UBR4: variants seen among roughly 807,000 people sequenced by gnomAD.
UBR4 encodes the protein E3 ubiquitin-protein ligase UBR4.
In UBR4, 124 loss-of-function variants were observed where a neutral mutation model predicts 575.6. That is an observed-to-expected ratio of 0.22 (90% CI 0.19 to 0.25). UBR4 has a LOEUF of 0.25. Among genes scored for constraint, UBR4 ranks in the 10% least tolerant of loss-of-function variants. UBR4 has a pLI of 1.00. For missense variants in UBR4, 4,818 were observed against 6,478.8 expected, an observed-to-expected ratio of 0.74 and a Z score of 8.80; for synonymous variants, 2,455 against 2,473.7, an observed-to-expected ratio of 0.99 and a Z score of 0.22.
intron 78 of UBR4, chr1:19,111,665 G>T (rs2079896794): frequency 6.6e-6 from 1 of 150,648 alleles, no homozygotes; most frequent in Non-Finnish European, 1.5e-5. Context: ...TTGTTGCCCA[G>T]GCTGGAGTGC....
intron 87 of UBR4, among the ~76,000 whole-genome samples, chr1:19,102,466 C>G (rs181574049): frequency 4.2e-4 from 63 of 150,536 alleles, no homozygotes; most frequent in Non-Finnish European, 7.8e-4. Context: ...CAGTATGGCA[C>G]GATGAAAATG....
At chr1:19,175,889 G>A (rs1041924162) in intron 20 of UBR4, among the ~76,000 whole-genome samples, 1 of 151,808 alleles carries the variant, frequency 6.6e-6, no homozygotes, top group African/African-American at 2.4e-5. Context: ...AACCTCCCAA[G>A]CTCAAACGAT....
Position 19,177,534 on chromosome 1 carries a change from A to G in UBR4, c.2564T>C (p.Leu855Ser). ...ATCAAAGATGAGAAGGAGGCGAGCC[A>G]AGATAAGCGGCACGAAGCGCATCTG... ...DAQMRFVPLI[L>S]ARLLLIFDYL... Residue 855 changes from leucine (L) to serine (S), a missense_variant, in exon 19 of 106, where the codon TTG (leucine) becomes TCG (serine). Transcript: ENST00000375254. 1 of 1,614,178 alleles carries G rather than the reference A, an allele frequency of 6.2e-7. No homozygotes were observed. The highest frequency in any genetic ancestry group is 8.5e-7 in the Non-Finnish European group (1 of 1,180,020).
Position 19,151,835 on chromosome 1 carries a change from T to C in UBR4, c.7021A>G (p.Ser2341Gly). ...TKPGGFTIEI[S>G]NNNSTMVMTG... ...ATCACCATAGTGCTATTGTTGTTAC[T>C]AATCTCAATGGTGAAGCCTCCGGGC... Residue 2341 changes from serine (S) to glycine (G), a missense_variant, in exon 48 of 106, where the codon AGT (serine) becomes GGT (glycine). Ser to Gly is a moderately conservative substitution (Grantham distance 56, BLOSUM62 0). This residue lies in a region of UBR4 where 461 missense variants were observed against 606.9 expected (regional missense o/e 0.76). Coordinates refer to ENST00000375254, the MANE Select transcript of UBR4 (RefSeq NM_020765.3). The C allele has an allele frequency of 6.2e-7, 1 of 1,608,202 alleles. No homozygotes were observed. Among genetic ancestry groups the C allele is most frequent in the Non-Finnish European group, 8.5e-7 (1 of 1,176,390 alleles).
chr1:19,152,259 T>C lies in UBR4; in HGVS notation c.6996+54A>G. ...TAAAAGGAGATGTGTTCTCAAACCA[T>C]ATTGTTTGAGTCCTTCTACCCAGGG... On this transcript the variant is annotated intron_variant, in intron 47 of 105. Transcript: ENST00000375254. This position sits in a 1 kb window ranked among gnomAD's most constrained non-coding sequence, Gnocchi z 4.4. 2 of 1,602,150 alleles carry C rather than the reference T, an allele frequency of 1.2e-6. No homozygotes were observed. Among genetic ancestry groups the C allele is most frequent in the South Asian group, 2.2e-5 (2 of 90,302 alleles).
At position 19,110,788 on chromosome 1, in the gene UBR4, C is replaced by A; in HGVS notation, c.11846G>T (p.Gly3949Val). ...GCCCTTCAGGGCTGTGGAGACCTTG[C>A]CAATAATCAGGTCATTCATCTGTTG... Reference protein sequence around the residue: ...ATQQMNDLIIGKVSTALKGHW... With the variant: ...ATQQMNDLIIVKVSTALKGHW... Residue 3949 changes from glycine to valine, a missense_variant, in exon 79 of 106, where the codon GGC becomes GTC. This residue lies in a region of UBR4 where 333 missense variants were observed against 459.2 expected (regional missense o/e 0.73). Coordinates refer to ENST00000375254, the MANE Select transcript of UBR4 (RefSeq NM_020765.3). The surrounding 1 kb of genome is among the most constrained non-coding windows in gnomAD (Gnocchi z 4.5). 2 of 1,614,162 alleles carry A rather than the reference C, an allele frequency of 1.2e-6. No homozygotes were observed. The highest frequency in any genetic ancestry group is 1.7e-6 in the Non-Finnish European group (2 of 1,180,030).
At chr1:19,112,082 AAC>A (rs1471795334) in intron 78 of UBR4, 3 of 154,642 alleles carry the variant, frequency 1.9e-5, no homozygotes, top group Non-Finnish European at 4.3e-5. Context: ...AGATGAGGAA[AAC>A]ACAGACTCAG....
intron 15 of UBR4, among the ~76,000 whole-genome samples, 167 bp downstream of exon 15, chr1:19,184,932 C>T (rs181902768): frequency 7.2e-5 from 11 of 152,248 alleles, no homozygotes. Context: ...GTAACAGTCA[C>T]GTAAGTTATT....
At chr1:19,199,893 C>T (rs1175311050) in intron 2 of UBR4, 139 bp from the exon 3 acceptor site, 8 of 710,868 alleles carry the variant, frequency 1.1e-5, no homozygotes, top group Non-Finnish European at 1.9e-5. Context: ...AAGGGGTAAA[C>T]AAAGGCATTT....
chr1:19,172,150 A>G (rs1202321482), intron 25 of UBR4, among the ~76,000 whole-genome samples: 2 of 152,246 alleles, frequency 1.3e-5, no homozygotes, highest in Non-Finnish European at 2.9e-5. Context: ...TTATAGAAAG[A>G]GTTGAATTTC....
chr1:19,166,127 G>A (rs2088329881), intron 29 of UBR4, among the ~76,000 whole-genome samples: 1 of 152,194 alleles, frequency 6.6e-6, no homozygotes, highest in African/African-American at 2.4e-5. Context: ...AGAGGAGACA[G>A]GGAATAAAAG....
rs2085843268 is a variant in UBR4 at position 19,152,276 on chromosome 1, T to A, written c.6996+37A>T. ...TCAAACCATATTGTTTGAGTCCTTC[T>A]ACCCAGGGATTGATCCCAGCCCAGT... On this transcript the variant is annotated intron_variant, in intron 47 of 105. Coordinates refer to ENST00000375254, the MANE Select transcript of UBR4 (RefSeq NM_020765.3). This position sits in a 1 kb window ranked among gnomAD's most constrained non-coding sequence, Gnocchi z 4.4. 7 of 1,610,852 alleles carry A rather than the reference T, an allele frequency of 4.3e-6. No homozygotes were observed. The highest frequency in any genetic ancestry group is 5.9e-6 in the Non-Finnish European group (7 of 1,177,404).
intron 27 of UBR4, among the ~76,000 whole-genome samples, chr1:19,168,821 C>CA (rs1221676356): frequency 3.3e-5 from 5 of 151,738 alleles, no homozygotes; most frequent in South Asian, 4.2e-4. Context: ...ACTAAAAATA[C>CA]AAAAAAATTA....
chr1:19,101,505 C>T lies in UBR4; in HGVS notation c.13023+15G>A. On this transcript the variant is annotated intron_variant, in intron 88 of 105. Transcript: ENST00000375254. ...GCTGACACTCGAGAGCCATGGGAAG[C>T]ACCGCACTGCTTACAGGATAAATGA... 1 of 1,603,656 alleles carries T rather than the reference C, an allele frequency of 6.2e-7. No individual in the cohort carries two copies. Among genetic ancestry groups the T allele is most frequent in the Non-Finnish European group, 8.5e-7 (1 of 1,172,550 alleles).
rs184974122 is a variant in UBR4 at position 19,119,766 on chromosome 1, T to C, written c.10311-65A>G. ...AACCCTGAGGCACCTGTGTTTATCA[T>C]TGAGGCTCTGGTACCTCAATTTCCC... On this transcript the variant is annotated intron_variant, in intron 69 of 105. Transcript: ENST00000375254. The C allele has an allele frequency of 8.1e-5, 127 of 1,561,626 alleles. 2 individuals are homozygous for C. The Admixed American group carries it at 1.3e-3, about 16-fold the overall frequency.
In UBR4 at chr1:19,160,524, G is replaced by A. The variant is rs913771975; in HGVS notation, c.5407-243C>T. On this transcript the variant is annotated intron_variant, in intron 38 of 105. Coordinates refer to ENST00000375254, the MANE Select transcript of UBR4 (RefSeq NM_020765.3). ...GGGTCCCACATAGATATCCTAATGC[G>A]CAAAGGCATCCCTCATATGAAATGA... Among the ~76,000 whole-genome samples, 11 of 152,196 alleles carry A rather than the reference G, an allele frequency of 7.2e-5. No individual in the cohort carries two copies. In the East Asian group the frequency reaches 1.9e-3, roughly 27 times the overall value.
chr1:19,149,894 C>A, intron 49 of UBR4: 1 of 951,816 alleles, frequency 1.1e-6, no homozygotes. Context: ...GATAGGGCAT[C>A]GGGGAAAAAG....
In UBR4 at chr1:19,074,727, T is replaced by TA; in HGVS notation, c.*104dup. On this transcript the variant is annotated 3_prime_UTR_variant, in exon 106 of 106. Coordinates refer to ENST00000375254, the MANE Select transcript of UBR4 (RefSeq NM_020765.3). The stretch of plus-strand genomic sequence containing the variant: ...AAAAATGAGAGAGGGGAGGGCGGGG[T>TA]AACAATGCAGCATCCCGCGGAGGGA... 8.0e-7 allele frequency: 1 copy of TA among 1,249,404 alleles called. No homozygotes were observed. The highest frequency in any genetic ancestry group is 1.1e-6 in the Non-Finnish European group (1 of 894,526). The allele number at this position is 1,249,404 out of a possible 1,614,324, so 77.4% of individuals were successfully genotyped here.
At chr1:19,086,568 C>T (rs2077037107) in intron 100 of UBR4, 111 bp downstream of exon 100, 1 of 1,450,774 alleles carries the variant, frequency 6.9e-7, no homozygotes, top group Non-Finnish European at 9.4e-7. Context: ...GAACACCCTA[C>T]TCTCCAGAGA....
Sources: gnomAD v4.1 joint callset for allele counts (sites outside exome capture counted in the v4.1 genomes callset) on GRCh38, gnomAD v4.1.1 for gene constraint, gnomAD v4.1.1 regional missense constraint, Gnocchi (gnomAD v3.1) non-coding constraint, MANE v1.5 for transcripts, NCBI Gene and HGNC (gene_info 2026-07-23, HGNC 2026-07-21) for gene names.